The following ZNF536 variants were observed in gnomAD, a reference collection of about 807,000 sequenced individuals.
The protein encoded by ZNF536 is zinc finger protein 536.
In ZNF536, 13 loss-of-function variants were observed where a neutral mutation model predicts 84.5. That is an observed-to-expected ratio of 0.15 (90% confidence interval 0.10 to 0.24). ZNF536 has a LOEUF of 0.24. Among genes scored for constraint, ZNF536 ranks in the 10% least tolerant of loss-of-function variants. The probability of loss-of-function intolerance (pLI) is 1.00; values close to 1 mark genes in which losing one functional copy is unlikely to be tolerated. For missense variants in ZNF536, 1,536 were observed against 1,747.5 expected (o/e 0.88, Z 2.16); for synonymous variants, 811 against 742.5 (o/e 1.09, Z -1.50).
At chr19:30,446,841 A>ACAACAACAACAACAACAC (rs150427729) in intron 2 of ZNF536, among the ~76,000 whole-genome samples, 28 of 147,070 alleles carry the variant, frequency 1.9e-4, no homozygotes, top group South Asian at 6.3e-4. Context: ...AACAACAACA[A>ACAACAACAACAACAACAC]AACACGCTAG....
chr19:30,282,476 G>A (rs1290565244), intron 1 of ZNF536, among the ~76,000 whole-genome samples: 4 of 152,190 alleles, frequency 2.6e-5, no homozygotes, highest in South Asian at 2.1e-4. Flanking sequence ...GACTTCCCCC[G>A]ATGAAGACTC....
At chr19:30,617,861 A>G (rs189242594) in intron 1 of ZNF536, among the ~76,000 whole-genome samples, 162 of 152,252 alleles carry the variant, frequency 1.1e-3, no homozygotes, top group African/African-American at 3.6e-3. Flanking sequence ...TACATCCTAC[A>G]CAGAGACTGT....
At chr19:30,314,622 C>T (rs1286810347) in intron 2 of ZNF536, among the ~76,000 whole-genome samples, 1 of 152,158 alleles carries the variant, frequency 6.6e-6, no homozygotes, top group Admixed American at 6.5e-5. Flanking sequence ...TATCTTTGCA[C>T]TTTGACCTAA....
chr19:30,465,555 T>A (rs1198227053), intron 2 of ZNF536, among the ~76,000 whole-genome samples: 1 of 152,028 alleles, frequency 6.6e-6, no homozygotes, highest in Non-Finnish European at 1.5e-5. Flanking sequence ...GCCTGGCACA[T>A]AATACAGACT....
At chr19:30,617,539 A>C (rs2048346883) in intron 1 of ZNF536, among the ~76,000 whole-genome samples, 1 of 149,788 alleles carries the variant, frequency 6.7e-6, no homozygotes, top group African/African-American at 2.5e-5. Context: ...TTTAGTAGAG[A>C]CTGGGTTTCA....
intron 1 of ZNF536, among the ~76,000 whole-genome samples, chr19:30,375,190 C>G (rs1210459757): frequency 6.7e-6 from 1 of 149,598 alleles, no homozygotes; most frequent in Non-Finnish European, 1.5e-5. Flanking sequence ...CGCCTGCGTT[C>G]GTTGGCGCGG....
intron 2 of ZNF536, among the ~76,000 whole-genome samples, chr19:30,519,858 A>G (rs2044247444): frequency 6.6e-6 from 1 of 152,228 alleles, no homozygotes; most frequent in Non-Finnish European, 1.5e-5. Flanking sequence ...CCAGCCTTCA[A>G]AGAGGTGGCA....
intron 1 of ZNF536, among the ~76,000 whole-genome samples, chr19:30,262,884 C>T (rs2025301062): frequency 6.6e-6 from 1 of 152,196 alleles, no homozygotes; most frequent in Admixed American, 6.5e-5. Flanking sequence ...GATATAATTT[C>T]TGCCCTCGTG....
chr19:30,351,817 G>A (rs565368692), intron 2 of ZNF536, among the ~76,000 whole-genome samples: 2 of 152,318 alleles, frequency 1.3e-5, no homozygotes, highest in South Asian at 2.1e-4. Context: ...TCCTCTCTTG[G>A]TAAATGGTAA....
intron 1 of ZNF536, among the ~76,000 whole-genome samples, chr19:30,240,700 A>G (rs1001181379): frequency 6.6e-6 from 1 of 152,212 alleles, no homozygotes; most frequent in Admixed American, 6.5e-5. Context: ...CTAGCAGGCC[A>G]TATAGCAAGG....
At chr19:30,619,801 G>A (rs1462867265) in intron 1 of ZNF536, among the ~76,000 whole-genome samples, 2 of 152,170 alleles carry the variant, frequency 1.3e-5, no homozygotes, top group African/African-American at 4.8e-5. Flanking sequence ...TTGCTAATTA[G>A]TACCTAGATC....
intron 1 of ZNF536, among the ~76,000 whole-genome samples, chr19:30,238,743 CAG>C (rs1276814452): frequency 6.6e-6 from 1 of 151,774 alleles, no homozygotes; most frequent in Non-Finnish European, 1.5e-5. Context: ...TGAATGAGAA[CAG>C]AAATGCTTTG....
At position 30,444,858 on chromosome 19, in the gene ZNF536, C is replaced by T. The variant is rs1315471369; in HGVS notation, c.1296C>T (p.Ser432=). The change falls in exon 2 of 5, where the codon TCC becomes TCT. Residue 432 remains serine, a synonymous_variant. Transcript: ENST00000355537. ...CCAACCTGTACTCCAGGTACCTCTC[C>T]TGCCTGCAGAGTGGCTTCATGACCC... ...AHANLYSRYL[S]CLQSGFMTPD... is the part of the protein sequence containing the mutation. The T allele has an allele frequency of 6.2e-7, 1 of 1,613,518 alleles. No individual in the cohort carries two copies. Among genetic ancestry groups the T allele is most frequent in the Non-Finnish European group, 8.5e-7 (1 of 1,179,942 alleles).
chr19:30,590,538 A>T (rs2047241758), intron 1 of ZNF536, among the ~76,000 whole-genome samples: 1 of 152,158 alleles, frequency 6.6e-6, no homozygotes, highest in Non-Finnish European at 1.5e-5. Context: ...GTCTCTGTAA[A>T]AAGGTCCTAT....
chr19:30,602,112 G>A (rs1433653395), intron 1 of ZNF536, among the ~76,000 whole-genome samples: 2 of 152,190 alleles, frequency 1.3e-5, no homozygotes. Flanking sequence ...ATCAAAAAAC[G>A]AATTAGGGTG....
chr19:30,331,594 C>A (rs1029327072), intron 2 of ZNF536, among the ~76,000 whole-genome samples: 1 of 152,160 alleles, frequency 6.6e-6, no homozygotes, highest in African/African-American at 2.4e-5. Flanking sequence ...ATCCAACAGG[C>A]TGGACTTTGC....
chr19:30,694,192 A>G (rs1387187839), intron 1 of ZNF536, among the ~76,000 whole-genome samples: 2 of 152,222 alleles, frequency 1.3e-5, no homozygotes, highest in Non-Finnish European at 2.9e-5. Flanking sequence ...CCTTGGCACA[A>G]GCCAAGTTCC....
chr19:30,410,653 G>GTT (rs1404274327), intron 1 of ZNF536, among the ~76,000 whole-genome samples: 1 of 149,432 alleles, frequency 6.7e-6, no homozygotes, highest in African/African-American at 2.5e-5. Flanking sequence ...TTTTTTTTGT[G>GTT]TTTTTTAGTA....
chr19:30,534,879 G>T lies in ZNF536; in HGVS notation c.2203G>T (p.Val735Phe). The change falls in exon 3 of 5, where the codon GTC (valine) becomes TTC (phenylalanine). Residue 735 changes from valine (V) to phenylalanine (F), a missense_variant. Around this residue, in one of 8 missense-constraint regions of ZNF536, gnomAD observed 148 missense variants for 205.4 expected, o/e 0.72. Transcript: ENST00000355537. Reference protein sequence around the residue: ...IGEEAGRSAGVQQPALLRDRS... With the variant: ...IGEEAGRSAGFQQPALLRDRS... ...CGAGGAGGCTGGGAGATCTGCCGGCGTCCAGCAACCAGCGCTGCTTCGCGA... is the reference window on the plus strand; with the variant it reads ...CGAGGAGGCTGGGAGATCTGCCGGCTTCCAGCAACCAGCGCTGCTTCGCGA... 1 of 1,613,558 alleles carries T rather than the reference G, an allele frequency of 6.2e-7. No individual in the cohort carries two copies. Among genetic ancestry groups the T allele is most frequent in the Non-Finnish European group, 8.5e-7 (1 of 1,179,668 alleles).
Sources: gnomAD v4.1 joint callset for allele counts (sites outside exome capture counted in the v4.1 genomes callset) on GRCh38, gnomAD v4.1.1 for gene constraint, gnomAD v4.1.1 regional missense constraint, MANE v1.5 for transcripts, NCBI Gene and HGNC (gene_info 2026-07-23, HGNC 2026-07-21) for gene names.